The following MCHR1 variants were observed in gnomAD, a reference collection of about 807,000 sequenced individuals.
The protein encoded by MCHR1 is melanin concentrating hormone receptor 1.
A neutral mutation model predicts 20.4 loss-of-function variants in MCHR1; 13 were observed. The ratio of observed to expected loss-of-function variants is 0.64; its 90% CI spans 0.41 to 1.01. MCHR1 has a LOEUF of 1.01. MCHR1 is among the 50% of genes least tolerant of loss of function. The probability of loss-of-function intolerance (pLI) is 0.00; values close to 1 mark genes in which losing one functional copy is unlikely to be tolerated. For missense variants in MCHR1, 472 were observed against 477.0 expected (o/e 0.99, Z 0.10); for synonymous variants, 215 against 204.4 (o/e 1.05, Z -0.44).
intron 1 of MCHR1, among the ~76,000 whole-genome samples, 160 bp downstream of exon 1, chr22:40,679,894 C>T (rs1048447180): frequency 9.9e-5 from 15 of 151,880 alleles, no homozygotes; most frequent in African/African-American, 3.4e-4. Context: ...GGCAATGGTC[C>T]GCAGGGGCAG....
chr22:40,679,697 C>T lies in MCHR1; in HGVS notation c.45C>T (p.Ser15=). ...ASLLPTGPNA[S]NTSDGPDNLT... ...TGCTGCCCACTGGTCCCAACGCCAG[C>T]AACACCTCTGATGGCCCCGATAACC... Residue 15 remains serine, a synonymous_variant, in exon 1 of 2, where the codon AGC becomes AGT. Transcript: ENST00000249016. The T allele has an allele frequency of 6.2e-7, 1 of 1,614,120 alleles. No individual in the cohort carries two copies. Among genetic ancestry groups the T allele is most frequent in the African/African-American group, 1.3e-5 (1 of 75,032 alleles).
In MCHR1 at chr22:40,682,239, G is replaced by A; in HGVS notation, c.*311G>A. ...GCACTATATCTGTGAGCTCTCAAAT[G>A]TCTTCTTCCCAAGGCAAGAGGTGGA... On this transcript the variant is annotated 3_prime_UTR_variant, in exon 2 of 2. Transcript: ENST00000249016. 1 of 415,304 alleles carries A rather than the reference G, an allele frequency of 2.4e-6. No homozygotes were observed. Among genetic ancestry groups the A allele is most frequent in the Non-Finnish European group, 4.5e-6 (1 of 220,520 alleles). The allele number at this position is 415,304 out of a possible 1,614,324, so 25.7% of individuals were successfully genotyped here.
Position 40,681,902 on chromosome 22 carries a change from G to GA in MCHR1, c.1037dup (p.Arg347GlufsTer31), listed in dbSNP as rs777370407. The GA allele has an allele frequency of 6.2e-7, 1 of 1,610,452 alleles. No individual in the cohort carries two copies. The highest frequency in any genetic ancestry group is 1.1e-5 in the South Asian group (1 of 91,080). On this transcript the variant is annotated frameshift_variant, in exon 2 of 2. Transcript: ENST00000249016. LOFTEE classifies it high-confidence loss of function. This position sits in a 1 kb window ranked among gnomAD's most constrained non-coding sequence, Gnocchi z 4.3. ...CAGCAACGCTCAGACGGCTGACGAGGAGAGGACAGAAAGCAAAGGCACCTG... is the reference window on the plus strand; with the variant it reads ...CAGCAACGCTCAGACGGCTGACGAGGAAGAGGACAGAAAGCAAAGGCACCTG...
Position 40,681,234 on chromosome 22 carries a change from A to T in MCHR1, c.368A>T (p.Asp123Val). 1 of 1,614,102 alleles carries T rather than the reference A, an allele frequency of 6.2e-7. No individual in the cohort carries two copies. Residue 123 changes from aspartate (D) to valine (V), a missense_variant, in exon 2 of 2, where the codon GAT (aspartate) becomes GTT (valine). Physicochemically the swap from Asp to Val is radical, Grantham distance 152 (BLOSUM62 -3). Transcript: ENST00000249016. This position sits in a 1 kb window ranked among gnomAD's most constrained non-coding sequence, Gnocchi z 4.3. ...ETMCTLITAM[D>V]ANSQFTSTYI... The stretch of plus-strand genomic sequence containing the variant: ...ATGTGCACCCTCATCACGGCCATGG[A>T]TGCCAATAGTCAGTTCACCAGCACC...
At chr22:40,680,877 A>G in intron 1 of MCHR1, 72 bp from the exon 2 acceptor site, 2 of 1,598,502 alleles carry the variant, frequency 1.3e-6, no homozygotes, top group Non-Finnish European at 1.7e-6. Context: ...GAGGCTGAGC[A>G]TGCCAGCAGG....
In MCHR1 at chr22:40,681,972, A is replaced by G; in HGVS notation, c.*44A>G. 6.3e-7 allele frequency: 1 copy of G among 1,598,842 alleles called. No homozygotes were observed. The highest frequency in any genetic ancestry group is 8.5e-7 in the Non-Finnish European group (1 of 1,179,752). ...GCACACCTCCAAGTCAGGGCACCAC[A>G]ACACGCCACCGGGAGAGATGCTGAG... On this transcript the variant is annotated 3_prime_UTR_variant, in exon 2 of 2. Coordinates refer to ENST00000249016, the MANE Select transcript of MCHR1 (RefSeq NM_005297.4). The surrounding 1 kb of genome is among the most constrained non-coding windows in gnomAD (Gnocchi z 4.3).
chr22:40,680,722 G>A (rs773859954), intron 1 of MCHR1: 39 of 984,042 alleles, frequency 4.0e-5, no homozygotes, highest in Non-Finnish European at 4.3e-5. Flanking sequence ...AGGCAGGCAT[G>A]TTGTGTCCTT....
chr22:40,679,691 C>A lies in MCHR1; in HGVS notation c.39C>A (p.Asn13Lys). ...CCTCGCTGCTGCCCACTGGTCCCAA[C>A]GCCAGCAACACCTCTGATGGCCCCG... ...LEASLLPTGP[N>K]ASNTSDGPDN... The change falls in exon 1 of 2, where the codon AAC becomes AAA. Residue 13 changes from asparagine (N) to lysine (K), a missense_variant. Physicochemically the swap from Asn to Lys is moderately conservative, Grantham distance 94 (BLOSUM62 0). Coordinates refer to ENST00000249016, the MANE Select transcript of MCHR1 (RefSeq NM_005297.4). 1 of 1,613,792 alleles carries A rather than the reference C, an allele frequency of 6.2e-7. No homozygotes were observed. Among genetic ancestry groups the A allele is most frequent in the Non-Finnish European group, 8.5e-7 (1 of 1,179,944 alleles).
chr22:40,681,540 C>T lies in MCHR1; in HGVS notation c.674C>T (p.Thr225Ile), dbSNP rs200856112. The change falls in exon 2 of 2, where the codon ACA becomes ATA. Residue 225 changes from threonine to isoleucine, a missense_variant. Physicochemically the swap from Thr to Ile is moderately conservative, Grantham distance 89. Coordinates refer to ENST00000249016, the MANE Select transcript of MCHR1 (RefSeq NM_005297.4). The surrounding 1 kb of genome is among the most constrained non-coding windows in gnomAD (Gnocchi z 4.3). ...LAFALPFVVITAAYVRILQRM... is the reference protein window; with the variant it reads ...LAFALPFVVIIAAYVRILQRM... The stretch of plus-strand genomic sequence containing the variant: ...TTTGCCCTGCCTTTTGTGGTCATCA[C>T]AGCCGCATACGTGAGGATCCTGCAG... 1.2e-6 allele frequency: 2 copies of T among 1,612,842 alleles called. No individual in the cohort carries two copies. Among genetic ancestry groups the T allele is most frequent in the East Asian group, 4.5e-5 (2 of 44,886 alleles).
Position 40,682,125 on chromosome 22 carries a change from A to T in MCHR1, c.*197A>T. On this transcript the variant is annotated 3_prime_UTR_variant, in exon 2 of 2. Coordinates refer to ENST00000249016, the MANE Select transcript of MCHR1 (RefSeq NM_005297.4). Reference sequence around the variant, plus strand: ...CTGGAGTCAGGTTTGGGGTTTTCAGATATCAGAAATCCCCTTGGGGGAGCA... The same window carrying T: ...CTGGAGTCAGGTTTGGGGTTTTCAGTTATCAGAAATCCCCTTGGGGGAGCA... 1.5e-6 allele frequency: 1 copy of T among 659,670 alleles called. No homozygotes were observed. Among genetic ancestry groups the T allele is most frequent in the East Asian group, 2.7e-5 (1 of 36,388 alleles). 40.9% of individuals were successfully genotyped at this position (659,670 alleles called of 1,614,324 possible). A position where few individuals can be genotyped will look rare whatever the true frequency, so the allele number is the denominator to read the frequency against.
chr22:40,681,748 T>C lies in MCHR1; in HGVS notation c.882T>C (p.Asn294=), dbSNP rs762973829. 1.9e-6 allele frequency: 3 copies of C among 1,614,262 alleles called. No homozygotes were observed. In the Admixed American group the frequency reaches 5.0e-5, roughly 27 times the overall value. Residue 294 remains asparagine, a synonymous_variant, in exon 2 of 2, where the codon AAT becomes AAC. Coordinates refer to ENST00000249016, the MANE Select transcript of MCHR1 (RefSeq NM_005297.4). This position sits in a 1 kb window ranked among gnomAD's most constrained non-coding sequence, Gnocchi z 4.3. ...RPTLTFVYLY[N]AAISLGYANS... ...CCCTCACCTTTGTCTACTTATACAA[T>C]GCGGCCATCAGCTTGGGCTATGCCA...
In MCHR1 at chr22:40,681,992, G is replaced by A; in HGVS notation, c.*64G>A. 2 of 1,594,348 alleles carry A rather than the reference G, an allele frequency of 1.3e-6. No homozygotes were observed. Among genetic ancestry groups the A allele is most frequent in the Non-Finnish European group, 1.7e-6 (2 of 1,177,616 alleles). ...ACCACAACACGCCACCGGGAGAGAT[G>A]CTGAGAAAAACCCAAGACCGCTCGG... On this transcript the variant is annotated 3_prime_UTR_variant, in exon 2 of 2. Coordinates refer to ENST00000249016, the MANE Select transcript of MCHR1 (RefSeq NM_005297.4). The surrounding 1 kb of genome is among the most constrained non-coding windows in gnomAD (Gnocchi z 4.3).
rs1980604154 is a variant in MCHR1, at chr22:40,682,106, T to G, written c.*178T>G. Reference sequence around the variant, plus strand: ...CACACGTTGCTGGGGAGGCCTGGAGTCAGGTTTGGGGTTTTCAGATATCAG... The same window carrying G: ...CACACGTTGCTGGGGAGGCCTGGAGGCAGGTTTGGGGTTTTCAGATATCAG... On this transcript the variant is annotated 3_prime_UTR_variant, in exon 2 of 2. Transcript: ENST00000249016. 4 of 812,438 alleles carry G rather than the reference T, an allele frequency of 4.9e-6. No individual in the cohort carries two copies. In the South Asian group the frequency reaches 6.5e-5, roughly 13 times the overall value. 50.3% of individuals were successfully genotyped at this position (812,438 alleles called of 1,614,324 possible).
At position 40,681,627 on chromosome 22, in the gene MCHR1, T is replaced by G. The variant is rs780393140; in HGVS notation, c.761T>G (p.Val254Gly). Reference sequence around the variant, plus strand: ...AGCATCCGGCTGCGGACAAAGAGGGTGACCCGCACAGCCATCGCCATCTGT... The same window carrying G: ...AGCATCCGGCTGCGGACAAAGAGGGGGACCCGCACAGCCATCGCCATCTGT... ...QRSIRLRTKR[V>G]TRTAIAICLV... is the part of the protein sequence containing the mutation. Residue 254 changes from valine (V) to glycine (G), a missense_variant, in exon 2 of 2, where the codon GTG becomes GGG. Physicochemically the swap from Val to Gly is moderately radical, Grantham distance 109. Coordinates refer to ENST00000249016, the MANE Select transcript of MCHR1 (RefSeq NM_005297.4). This position sits in a 1 kb window ranked among gnomAD's most constrained non-coding sequence, Gnocchi z 4.3. 5.6e-6 allele frequency: 9 copies of G among 1,614,066 alleles called. No homozygotes were observed. Among genetic ancestry groups the G allele is most frequent in the Non-Finnish European group, 7.6e-6 (9 of 1,180,030 alleles).
At position 40,681,633 on chromosome 22, in the gene MCHR1, G is replaced by A. The variant is rs748864732; in HGVS notation, c.767G>A (p.Arg256His). 10 of 1,614,088 alleles carry A rather than the reference G, an allele frequency of 6.2e-6. No individual in the cohort carries two copies. The highest frequency in any genetic ancestry group is 2.7e-5 in the African/African-American group (2 of 74,940). Reference sequence around the variant, plus strand: ...CGGCTGCGGACAAAGAGGGTGACCCGCACAGCCATCGCCATCTGTCTGGTC... The same window carrying A: ...CGGCTGCGGACAAAGAGGGTGACCCACACAGCCATCGCCATCTGTCTGGTC... ...SIRLRTKRVT[R>H]TAIAICLVFF... is the part of the protein sequence containing the mutation. The change falls in exon 2 of 2, where the codon CGC becomes CAC. Residue 256 changes from arginine (R) to histidine (H), a missense_variant. By Grantham distance (29) the Arg-to-His change is conservative. Transcript: ENST00000249016. The surrounding 1 kb of genome is among the most constrained non-coding windows in gnomAD (Gnocchi z 4.3).
In MCHR1 at chr22:40,679,715, C is replaced by T. The variant is rs199562293; in HGVS notation, c.63C>T (p.Pro21=). 4.4e-5 allele frequency: 71 copies of T among 1,614,134 alleles called. No homozygotes were observed. In the East Asian group the frequency reaches 7.1e-4, roughly 16 times the overall value. ...ACGCCAGCAACACCTCTGATGGCCC[C>T]GATAACCTCACTTCGGCAGGTGAGT... The part of the protein sequence containing the change: ...GPNASNTSDG[P]DNLTSAGSPP... Residue 21 remains proline (P), a synonymous_variant, in exon 1 of 2, where the codon CCC becomes CCT. Transcript: ENST00000249016.
Position 40,681,939 on chromosome 22 carries a change from G to A in MCHR1, c.*11G>A. On this transcript the variant is annotated 3_prime_UTR_variant, in exon 2 of 2. Transcript: ENST00000249016. The surrounding 1 kb of genome is among the most constrained non-coding windows in gnomAD (Gnocchi z 4.3). ...AGCAAAGGCACCTGATACTTCCCCT[G>A]CCACCCTGCACACCTCCAAGTCAGG... The A allele has an allele frequency of 1.2e-6, 2 of 1,602,480 alleles. No individual in the cohort carries two copies. The highest frequency in any genetic ancestry group is 1.3e-5 in the African/African-American group (1 of 75,066).
In MCHR1 at chr22:40,681,457, C is replaced by T. The variant is rs201928003; in HGVS notation, c.591C>T (p.Arg197=). Reference sequence around the variant, plus strand: ...GAGGTGCAGTGGGCTGCGGCATACGCCTGCCCAACCCAGACACTGACCTCT... The same window carrying T: ...GAGGTGCAGTGGGCTGCGGCATACGTCTGCCCAACCCAGACACTGACCTCT... ...FPGGAVGCGI[R]LPNPDTDLYW... Residue 197 remains arginine, a synonymous_variant, in exon 2 of 2, where the codon CGC becomes CGT. Coordinates refer to ENST00000249016, the MANE Select transcript of MCHR1 (RefSeq NM_005297.4). This position sits in a 1 kb window ranked among gnomAD's most constrained non-coding sequence, Gnocchi z 4.3. 1.2e-6 allele frequency: 2 copies of T among 1,613,222 alleles called. No homozygotes were observed. Among genetic ancestry groups the T allele is most frequent in the Non-Finnish European group, 1.7e-6 (2 of 1,180,044 alleles).
In MCHR1 at chr22:40,681,136, C is replaced by G. The variant is rs1239658267; in HGVS notation, c.270C>G (p.Leu90=). 1 of 1,613,886 alleles carries G rather than the reference C, an allele frequency of 6.2e-7. No homozygotes were observed. The highest frequency in any genetic ancestry group is 8.5e-7 in the Non-Finnish European group (1 of 1,179,998). Residue 90 remains leucine (L), a synonymous_variant, in exon 2 of 2, where the codon CTC becomes CTG. Transcript: ENST00000249016. The surrounding 1 kb of genome is among the most constrained non-coding windows in gnomAD (Gnocchi z 4.3). ...IFIINLSVVD[L]LFLLGMPFMI... ...TCATCAACCTCTCGGTAGTAGATCT[C>G]CTCTTTCTCCTGGGCATGCCCTTCA...
Sources: gnomAD v4.1 joint callset for allele counts (sites outside exome capture counted in the v4.1 genomes callset) on GRCh38, gnomAD v4.1.1 for gene constraint, Gnocchi (gnomAD v3.1) non-coding constraint, MANE v1.5 for transcripts, NCBI Gene and HGNC (gene_info 2026-07-23, HGNC 2026-07-21) for gene names.